Variants in UNC5D observed in about 807,000 individuals in gnomAD.
The protein encoded by UNC5D is unc-5 netrin receptor D, also known as netrin receptor UNC5D.
In UNC5D, 39 loss-of-function variants were observed where a neutral mutation model predicts 105.4. The ratio of observed to expected loss-of-function variants is 0.37; its 90% CI spans 0.29 to 0.48. The LOEUF (loss-of-function observed/expected upper bound fraction) is 0.48. Among genes scored for constraint, UNC5D ranks in the 20% least tolerant of loss-of-function variants. UNC5D has a pLI of 0.98. For missense variants in UNC5D, 991 were observed against 1,202.4 expected (o/e 0.82, Z 2.60); for synonymous variants, 452 against 450.4 (o/e 1.00, Z -0.04).
intron 1 of UNC5D, among the ~76,000 whole-genome samples, chr8:35,473,418 A>G (rs1016982837): frequency 6.6e-6 from 1 of 152,188 alleles, no homozygotes; most frequent in Non-Finnish European, 1.5e-5. Context: ...TATGCATCCA[A>G]TAAGTATTTG....
chr8:35,780,065 C>T (rs141761899), intron 16 of UNC5D, among the ~76,000 whole-genome samples: 64 of 152,116 alleles, frequency 4.2e-4, no homozygotes, highest in Non-Finnish European at 6.3e-4. Context: ...GAGGGGAGGC[C>T]GCCACAATGG....
intron 1 of UNC5D, among the ~76,000 whole-genome samples, chr8:35,293,014 A>G (rs1359017580): frequency 6.6e-6 from 1 of 152,152 alleles, no homozygotes; most frequent in Non-Finnish European, 1.5e-5. Flanking sequence ...ACAGTAAGAC[A>G]GAGAAAGAAA....
chr8:35,715,848 G>A (rs1357756017), intron 8 of UNC5D, among the ~76,000 whole-genome samples: 4 of 152,116 alleles, frequency 2.6e-5, no homozygotes, highest in Non-Finnish European at 1.5e-5. Flanking sequence ...TTGAGTTGCA[G>A]GGGAGTGAAC....
rs573259953 is a variant in UNC5D at position 35,448,056 on chromosome 8, G to A, written c.104-101236G>A. On this transcript the variant is annotated intron_variant, in intron 1 of 16. Coordinates refer to ENST00000404895, the MANE Select transcript of UNC5D (RefSeq NM_080872.4). ...ACCGCCTCCCTTTTGGTCTGTTGCA[G>A]AATTTTCTAGCTGCAGCAGCAACAC... Among the ~76,000 whole-genome samples the A allele has an allele frequency of 8.8e-4, 134 of 152,148 alleles. 1 individual carries two copies. The highest frequency in any genetic ancestry group is 3.1e-3 in the African/African-American group (130 of 41,542).
intron 1 of UNC5D, among the ~76,000 whole-genome samples, chr8:35,316,476 C>T (rs1306795767): frequency 6.6e-6 from 1 of 152,138 alleles, no homozygotes; most frequent in East Asian, 1.9e-4. Flanking sequence ...ATTCAGTGAA[C>T]ACAAAACTCC....
chr8:35,657,205 T>C (rs769369131), intron 4 of UNC5D, among the ~76,000 whole-genome samples: 31 of 149,324 alleles, frequency 2.1e-4, no homozygotes, highest in Non-Finnish European at 3.4e-4. Context: ...GTTACTATTG[T>C]TGTTTATTTG....
chr8:35,582,466 T>G (rs1263311268), intron 3 of UNC5D, among the ~76,000 whole-genome samples: 1 of 152,180 alleles, frequency 6.6e-6, no homozygotes, highest in Non-Finnish European at 1.5e-5. Context: ...TCTGGCAAGA[T>G]TGGCTTAAGG....
chr8:35,393,976 T>C (rs1254863573), intron 1 of UNC5D, among the ~76,000 whole-genome samples: 2 of 152,176 alleles, frequency 1.3e-5, no homozygotes, highest in African/African-American at 2.4e-5. Context: ...TTCTTCTCCT[T>C]CTCCTTCATC....
intron 1 of UNC5D, among the ~76,000 whole-genome samples, chr8:35,439,769 CCTAAATATGGAAAGTCATCTT>C (rs1165259163): frequency 1.3e-5 from 2 of 151,824 alleles, no homozygotes; most frequent in Non-Finnish European, 2.9e-5. Context: ...AAGTCGTTTT[CCTAAATATGGAAAGTCATCTT>C]CTAAATATGG....
chr8:35,582,335 G>C (rs1818515573), intron 3 of UNC5D, among the ~76,000 whole-genome samples: 2 of 152,116 alleles, frequency 1.3e-5, no homozygotes, highest in Admixed American at 1.3e-4. Flanking sequence ...CATCTTTCTT[G>C]TCAGTTCTTC....
intron 1 of UNC5D, among the ~76,000 whole-genome samples, chr8:35,432,954 T>C (rs1408230541): frequency 6.6e-6 from 1 of 152,190 alleles, no homozygotes; most frequent in Non-Finnish European, 1.5e-5. Flanking sequence ...ATACAAAATA[T>C]ATTTACTGAT....
At chr8:35,775,083 T>C (rs1802184408) in intron 16 of UNC5D, among the ~76,000 whole-genome samples, 1 of 152,338 alleles carries the variant, frequency 6.6e-6, no homozygotes, top group African/African-American at 2.4e-5. Context: ...TCTTGGAGAC[T>C]GTGAGTGAAC....
Position 35,722,246 on chromosome 8 carries a change from G to A in UNC5D, c.1154G>A (p.Gly385Asp), listed in dbSNP as rs1828619557. Reference protein sequence around the residue: ...ENASDIALYSGLGAAVVAVAV... With the variant: ...ENASDIALYSDLGAAVVAVAV... Reference sequence around the variant, plus strand: ...GCCAGCGACATTGCTTTGTACTCGGGCTTGGGTGCTGCCGTCGTGGCCGTT... The same window carrying A: ...GCCAGCGACATTGCTTTGTACTCGGACTTGGGTGCTGCCGTCGTGGCCGTT... Residue 385 changes from glycine to aspartate, a missense_variant, in exon 9 of 17, where the codon GGC (glycine) becomes GAC (aspartate). Physicochemically the swap from Gly to Asp is moderately conservative, Grantham distance 94. Transcript: ENST00000404895. 6.2e-7 allele frequency: 1 copy of A among 1,613,934 alleles called. No individual in the cohort carries two copies. Among genetic ancestry groups the A allele is most frequent in the Non-Finnish European group, 8.5e-7 (1 of 1,180,010 alleles).
rs147717248 is a variant in UNC5D, at chr8:35,469,680, A to C, written c.104-79612A>C. ...GATTATAAATCTATGTAATATTTCC[A>C]TTTGACTAAAGAAGGGCATTTAAGG... On this transcript the variant is annotated intron_variant, in intron 1 of 16. Coordinates refer to ENST00000404895, the MANE Select transcript of UNC5D (RefSeq NM_080872.4). 4.6e-5 allele frequency among the ~76,000 whole-genome samples: 7 copies of C among 152,348 alleles called. No individual in the cohort carries two copies. In the East Asian group the frequency reaches 1.3e-3, roughly 29 times the overall value.
At chr8:35,761,993 G>A (rs1254745652) in intron 14 of UNC5D, among the ~76,000 whole-genome samples, 1 of 152,146 alleles carries the variant, frequency 6.6e-6, no homozygotes, top group East Asian at 1.9e-4. Context: ...ATCCCAGAGA[G>A]CTATTGTGGA....
chr8:35,251,128 T>C (rs1803668167), intron 1 of UNC5D, among the ~76,000 whole-genome samples: 1 of 152,128 alleles, frequency 6.6e-6, no homozygotes, highest in Non-Finnish European at 1.5e-5. Flanking sequence ...TCTTTCCACC[T>C]TGCATCCTAT....
intron 7 of UNC5D, among the ~76,000 whole-genome samples, chr8:35,694,890 G>A (rs1826651609): frequency 6.6e-6 from 1 of 151,920 alleles, no homozygotes; most frequent in Non-Finnish European, 1.5e-5. Context: ...ACATGTGTGT[G>A]TTTTCTAATA....
intron 1 of UNC5D, among the ~76,000 whole-genome samples, chr8:35,286,873 C>T (rs1351515363): frequency 6.6e-6 from 1 of 152,148 alleles, no homozygotes; most frequent in Non-Finnish European, 1.5e-5. Flanking sequence ...CAGCCGTGCC[C>T]AACTACAGGT....
chr8:35,305,033 T>C (rs1808232905), intron 1 of UNC5D, among the ~76,000 whole-genome samples: 1 of 152,110 alleles, frequency 6.6e-6, no homozygotes, highest in Non-Finnish European at 1.5e-5. Context: ...TTGATGATTT[T>C]TTTCCATGAT....
Sources: allele counts gnomAD v4.1 joint callset (sites outside exome capture counted in the v4.1 genomes callset), GRCh38; gene constraint gnomAD v4.1.1; transcripts MANE v1.5; gene names NCBI Gene and HGNC (gene_info 2026-07-23, HGNC 2026-07-21).